ATP10D: variants seen among roughly 807,000 people sequenced by gnomAD.
The protein encoded by ATP10D is ATPase phospholipid transporting 10D (putative), also known as phospholipid-transporting ATPase VD.
A neutral mutation model predicts 144.8 loss-of-function variants in ATP10D; 89 were observed. The ratio of observed to expected loss-of-function variants is 0.61; its 90% CI spans 0.52 to 0.73. The LOEUF (loss-of-function observed/expected upper bound fraction) is 0.73. Ranked by LOEUF, ATP10D falls within the 30% of genes least tolerant of loss-of-function variation. The probability of loss-of-function intolerance (pLI) is 0.00; values close to 1 mark genes in which losing one functional copy is unlikely to be tolerated. For synonymous variants in ATP10D, 571 were observed against 615.1 expected (o/e 0.93, Z 1.06); for missense variants, 1,603 against 1,714.8 (o/e 0.93, Z 1.15).
At chr4:47,511,899 A>G (rs568342231) in intron 1 of ATP10D, among the ~76,000 whole-genome samples, 27 of 152,336 alleles carry the variant, frequency 1.8e-4, no homozygotes, top group African/African-American at 6.3e-4. Context: ...GCTCCAGTGA[A>G]CAAGCACTTT....
At chr4:47,580,322 A>C (rs1720446629) in intron 19 of ATP10D, 76 bp from the exon 20 acceptor site, 3 of 1,133,944 alleles carry the variant, frequency 2.6e-6, no homozygotes, top group Non-Finnish European at 4.0e-6. Context: ...AACAAATGTA[A>C]GTACTGGCTT....
intron 1 of ATP10D, among the ~76,000 whole-genome samples, chr4:47,486,636 A>G (rs965344157): frequency 1.4e-4 from 21 of 152,210 alleles, no homozygotes; most frequent in Non-Finnish European, 1.9e-4. Context: ...ATCCACCTCA[A>G]AAAGTAATAA....
chr4:47,523,109 C>T lies in ATP10D; in HGVS notation c.583C>T (p.Leu195=), dbSNP rs1453400290. 6.2e-7 allele frequency: 1 copy of T among 1,613,836 alleles called. No homozygotes were observed. Among genetic ancestry groups the T allele is most frequent in the African/African-American group, 1.3e-5 (1 of 74,852 alleles). Residue 195 remains leucine, a synonymous_variant, in exon 4 of 23, where the codon CTA becomes TTA. Coordinates refer to ENST00000273859, the MANE Select transcript of ATP10D (RefSeq NM_020453.4). ...CGAGGTCATCCCTGCAGACATGGTACTACTCTTTTCCACTGATCCAGATGG... is the reference window on the plus strand; with the variant it reads ...CGAGGTCATCCCTGCAGACATGGTATTACTCTTTTCCACTGATCCAGATGG... ...CNEVIPADMV[L]LFSTDPDGIC... is the part of the protein sequence containing the mutation.
Position 47,569,042 on chromosome 4 carries a change from C to T in ATP10D, c.3059C>T (p.Thr1020Ile). 1 of 1,614,244 alleles carries T rather than the reference C, an allele frequency of 6.2e-7. No individual in the cohort carries two copies. The highest frequency in any genetic ancestry group is 2.2e-5 in the East Asian group (1 of 44,890). Reference sequence around the variant, plus strand: ...CTGCAAAAGCAGTTCCTGGAACTGACATCTTGGTGTCAAGCTGTGGTCTGC... The same window carrying T: ...CTGCAAAAGCAGTTCCTGGAACTGATATCTTGGTGTCAAGCTGTGGTCTGC... The part of the protein sequence containing the change: ...ESLQKQFLEL[T>I]SWCQAVVCCR... The change falls in exon 16 of 23, where the codon ACA becomes ATA. Residue 1020 changes from threonine to isoleucine, a missense_variant. Coordinates refer to ENST00000273859, the MANE Select transcript of ATP10D (RefSeq NM_020453.4).
At chr4:47,582,501 A>G (rs1720568082) in intron 21 of ATP10D, among the ~76,000 whole-genome samples, 1 of 152,128 alleles carries the variant, frequency 6.6e-6, no homozygotes, top group Admixed American at 6.5e-5. Context: ...GTGGTTTCCC[A>G]TTGTACTTGG....
At chr4:47,546,523 G>A (rs1326746792) in intron 9 of ATP10D, 101 bp from the exon 10 acceptor site, 4 of 1,057,440 alleles carry the variant, frequency 3.8e-6, no homozygotes, top group Non-Finnish European at 4.3e-6. Flanking sequence ...TTTGAAAGGG[G>A]AGGAGATGGT....
intron 5 of ATP10D, among the ~76,000 whole-genome samples, chr4:47,532,287 C>G (rs1577654102): frequency 6.6e-6 from 1 of 152,182 alleles, no homozygotes; most frequent in Non-Finnish European, 1.5e-5. Flanking sequence ...AGCTTTCTGC[C>G]TATCCAAATT....
At chr4:47,544,993 G>A (rs1051662318) in intron 9 of ATP10D, among the ~76,000 whole-genome samples, 3 of 152,112 alleles carry the variant, frequency 2.0e-5, no homozygotes, top group Non-Finnish European at 4.4e-5. Context: ...AAAAATTAGC[G>A]ATAAGTACTT....
At chr4:47,507,284 C>T (rs986270650) in intron 1 of ATP10D, among the ~76,000 whole-genome samples, 6 of 152,158 alleles carry the variant, frequency 3.9e-5, no homozygotes, top group African/African-American at 1.4e-4. Context: ...TATATATTAA[C>T]TCATTGAATC....
At chr4:47,563,085 C>T (rs747499529) in intron 14 of ATP10D, among the ~76,000 whole-genome samples, 3 of 151,958 alleles carry the variant, frequency 2.0e-5, no homozygotes, top group Admixed American at 1.3e-4. Flanking sequence ...GAGGATAGGT[C>T]GGGGAGCAAG....
At chr4:47,491,476 G>T in intron 1 of ATP10D, 1 of 678,296 alleles carries the variant, frequency 1.5e-6, no homozygotes, top group Non-Finnish European at 2.7e-6. Flanking sequence ...GCGAATTACT[G>T]GAAGATGGTG....
chr4:47,538,516 C>T (rs924594547), intron 9 of ATP10D, among the ~76,000 whole-genome samples: 1 of 152,110 alleles, frequency 6.6e-6, no homozygotes, highest in Non-Finnish European at 1.5e-5. Flanking sequence ...CACCACAAAC[C>T]ATAATGGCTT....
intron 5 of ATP10D, among the ~76,000 whole-genome samples, chr4:47,529,233 GT>G (rs1717433292): frequency 6.6e-6 from 1 of 152,150 alleles, no homozygotes; most frequent in Admixed American, 6.6e-5. Context: ...GTCCAGAAGA[GT>G]TTTTTCTGGG....
intron 2 of ATP10D, among the ~76,000 whole-genome samples, chr4:47,515,150 G>A (rs926012109): frequency 4.6e-5 from 7 of 151,946 alleles, no homozygotes; most frequent in East Asian, 1.9e-4. Flanking sequence ...TAGTAGAGAC[G>A]GGGTTTTACC....
In ATP10D at chr4:47,568,943, TC is replaced by T. The variant is rs757269457; in HGVS notation, c.2965del (p.Arg989GlyfsTer31). On this transcript the variant is annotated frameshift_variant, in exon 16 of 23. Transcript: ENST00000273859. LOFTEE classifies it high-confidence loss of function. ...SLSEDLLQPP[V>X]PRDSGLRAGL... The stretch of plus-strand genomic sequence containing the variant: ...AGTGAAGATTTACTTCAGCCTCCTG[TC>T]CCCCGGGACTCAGGGTTACGAGCTG... 50 of 1,614,070 alleles carry T rather than the reference TC, an allele frequency of 3.1e-5. No individual in the cohort carries two copies. Among genetic ancestry groups the T allele is most frequent in the Middle Eastern group, 1.6e-4 (1 of 6,062 alleles).
chr4:47,502,470 A>AT (rs759098758), intron 1 of ATP10D, among the ~76,000 whole-genome samples: 1,410 of 133,804 alleles, frequency 0.011, 15 homozygotes, highest in Middle Eastern at 0.06. Flanking sequence ...ACTACGTCTC[A>AT]TAAAAAAAAA....
intron 3 of ATP10D, among the ~76,000 whole-genome samples, chr4:47,516,258 A>G (rs1490068689): frequency 1.3e-5 from 2 of 151,366 alleles, no homozygotes; most frequent in African/African-American, 2.4e-5. Context: ...AAAAAAAAAA[A>G]GGAGGAGAAT....
intron 18 of ATP10D, among the ~76,000 whole-genome samples, chr4:47,573,705 G>A (rs1017837915): frequency 8.5e-5 from 13 of 152,116 alleles, no homozygotes; most frequent in Admixed American, 2.0e-4. Flanking sequence ...TAAATATCAT[G>A]AATTTTAGGC....
chr4:47,519,988 T>G (rs1444142215), intron 3 of ATP10D, among the ~76,000 whole-genome samples: 1 of 152,226 alleles, frequency 6.6e-6, no homozygotes, highest in Non-Finnish European at 1.5e-5. Context: ...TTTGTTTAAA[T>G]CTTGGTACAT....
Sources: gnomAD v4.1 joint callset for allele counts (sites outside exome capture counted in the v4.1 genomes callset) on GRCh38, gnomAD v4.1.1 for gene constraint, MANE v1.5 for transcripts, NCBI Gene and HGNC (gene_info 2026-07-23, HGNC 2026-07-21) for gene names.